The following STAT3 variants were observed in gnomAD, a reference collection of about 807,000 sequenced individuals.
STAT3 encodes signal transducer and activator of transcription 3, also known as DNA-binding protein APRF.
STAT3 carries 7 observed loss-of-function variants against 114.3 expected under a neutral mutation model. The ratio of observed to expected loss-of-function variants is 0.06; its 90% CI spans 0.03 to 0.11. The LOEUF (loss-of-function observed/expected upper bound fraction) is 0.11. STAT3 is among the 10% of genes least tolerant of loss of function. The probability of loss-of-function intolerance (pLI) is 1.00; values close to 1 mark genes in which losing one functional copy is unlikely to be tolerated. For missense variants in STAT3, 364 were observed against 960.9 expected (o/e 0.38, Z 8.21); for synonymous variants, 331 against 354.5 (o/e 0.93, Z 0.74).
rs760132797 is a variant in STAT3 at position 42,348,369 on chromosome 17, G to A, written c.128+20C>T. On this transcript the variant is annotated intron_variant, in intron 2 of 23. Coordinates refer to ENST00000264657, the MANE Select transcript of STAT3 (RefSeq NM_139276.3). ...AAACTGAAACCTAACAATTTGGAGA[G>A]TCACTTAAGAAGGACTTACCAATCT... 6 of 1,613,950 alleles carry A rather than the reference G, an allele frequency of 3.7e-6. No homozygotes were observed. Among genetic ancestry groups the A allele is most frequent in the East Asian group, 2.2e-5 (1 of 44,878 alleles).
At position 42,337,192 on chromosome 17, in the gene STAT3, G is replaced by C. The variant is rs1217336275; in HGVS notation, c.797+243C>G. Among the ~76,000 whole-genome samples, 1 of 152,020 alleles carries C rather than the reference G, an allele frequency of 6.6e-6. No homozygotes were observed. The highest frequency in any genetic ancestry group is 1.5e-5 in the Non-Finnish European group (1 of 68,004). ...AGATGTGTTTTCACCATGTTGGCCAGGCTGGTCTCAAACTCCTGACCTCAA... is the reference window on the plus strand; with the variant it reads ...AGATGTGTTTTCACCATGTTGGCCACGCTGGTCTCAAACTCCTGACCTCAA... On this transcript the variant is annotated intron_variant, in intron 8 of 23. Coordinates refer to ENST00000264657, the MANE Select transcript of STAT3 (RefSeq NM_139276.3). This position sits in a 1 kb window ranked among gnomAD's most constrained non-coding sequence, Gnocchi z 4.0.
At chr17:42,387,583 G>A (rs1048597303) in intron 1 of STAT3, 1 of 152,132 alleles carries the variant, frequency 6.6e-6, no homozygotes, top group South Asian at 2.1e-4. Flanking sequence ...CGGGTTGATG[G>A]GGATTTTATT....
chr17:42,382,654 CT>C (rs66812455), intron 1 of STAT3, among the ~76,000 whole-genome samples: 6 of 145,628 alleles, frequency 4.1e-5, no homozygotes, highest in African/African-American at 5.0e-5. Flanking sequence ...TTTTTTTTTT[CT>C]TTTTTTTTTG....
chr17:42,327,635 T>C (rs2081787847), intron 14 of STAT3, among the ~76,000 whole-genome samples: 1 of 152,214 alleles, frequency 6.6e-6, no homozygotes, highest in African/African-American at 2.4e-5. Context: ...AATGGCACCG[T>C]TGGTTTACAG....
chr17:42,316,156 T>G, intron 23 of STAT3: 1 of 1,096,292 alleles, frequency 9.1e-7, no homozygotes, highest in East Asian at 4.1e-5. Flanking sequence ...AGCTGTGCTG[T>G]GGCTGTCAAA....
Position 42,338,789 on chromosome 17 carries a change from C to T in STAT3, c.492G>A (p.Val164=), listed in dbSNP as rs1257642358. Residue 164 remains valine (V), a synonymous_variant, in exon 6 of 24, where the codon GTG becomes GTA. Coordinates refer to ENST00000264657, the MANE Select transcript of STAT3 (RefSeq NM_139276.3). ...RVQDLEQKMK[V]VENLQDDFDF... ...CAAAGTCATCCTGGAGATTCTCTAC[C>T]ACTTTCATTTTCTGTTCTAGATCCT... 6.2e-7 allele frequency: 1 copy of T among 1,613,526 alleles called. No individual in the cohort carries two copies. Among genetic ancestry groups the T allele is most frequent in the African/African-American group, 1.3e-5 (1 of 74,920 alleles).
chr17:42,316,530 G>T, intron 23 of STAT3: 1 of 989,292 alleles, frequency 1.0e-6, no homozygotes. Flanking sequence ...AACTTTTTCT[G>T]AAATGTTAAA....
chr17:42,317,728 T>G (rs987969241), intron 21 of STAT3, among the ~76,000 whole-genome samples: 1 of 152,196 alleles, frequency 6.6e-6, no homozygotes. Context: ...AGCCAAAGGT[T>G]ATATCTCTTA....
chr17:42,366,914 G>A (rs1487996563), intron 1 of STAT3, among the ~76,000 whole-genome samples: 2 of 152,128 alleles, frequency 1.3e-5, no homozygotes, highest in Non-Finnish European at 2.9e-5. Flanking sequence ...GCCAAGGCGA[G>A]CAGATAAATT....
intron 4 of STAT3, among the ~76,000 whole-genome samples, chr17:42,341,932 G>A (rs758988409): frequency 1.3e-4 from 20 of 152,048 alleles, no homozygotes; most frequent in Non-Finnish European, 2.5e-4. Flanking sequence ...CCCCTAATCC[G>A]TACGATTGAA....
chr17:42,333,557 G>T lies in STAT3; in HGVS notation c.1049+116C>A. On this transcript the variant is annotated intron_variant, in intron 10 of 23. Coordinates refer to ENST00000264657, the MANE Select transcript of STAT3 (RefSeq NM_139276.3). This position sits in a 1 kb window ranked among gnomAD's most constrained non-coding sequence, Gnocchi z 5.2. ...GGCAACAAATTTCAACCCCGCAACAGTGTACTGCCTGTGACACCACACCTG... is the reference window on the plus strand; with the variant it reads ...GGCAACAAATTTCAACCCCGCAACATTGTACTGCCTGTGACACCACACCTG... The T allele has an allele frequency of 8.5e-7, 1 of 1,179,824 alleles. No homozygotes were observed. The highest frequency in any genetic ancestry group is 1.2e-6 in the Non-Finnish European group (1 of 807,158). The allele number at this position is 1,179,824 out of a possible 1,614,324, so 73.1% of individuals were successfully genotyped here.
At chr17:42,363,243 GA>G (rs1352211035) in intron 1 of STAT3, among the ~76,000 whole-genome samples, 1 of 152,174 alleles carries the variant, frequency 6.6e-6, no homozygotes, top group Non-Finnish European at 1.5e-5. Flanking sequence ...TTTGCTGTTT[GA>G]AAAATTCAAG....
rs8081431 is a variant in STAT3 at position 42,322,862 on chromosome 17, G to C, written c.1888+142C>G. The C allele has an allele frequency of 0.19, 221,437 of 1,177,886 alleles. 22,897 individuals are homozygous for C. The highest frequency in any genetic ancestry group is 0.34 in the East Asian group (14,077 of 41,572). 73.0% of individuals were successfully genotyped at this position (1,177,886 alleles called of 1,614,324 possible). ...TCAGCTGGAAGGATTTAGAAGTCAC[G>C]CAAATGTGTTTTGCGAGTCTGAGTG... On this transcript the variant is annotated intron_variant, in intron 20 of 23. Transcript: ENST00000264657.
chr17:42,350,322 C>T (rs557446416), intron 1 of STAT3, among the ~76,000 whole-genome samples: 11 of 152,256 alleles, frequency 7.2e-5, no homozygotes, highest in South Asian at 4.1e-4. Flanking sequence ...GCAAATGTAA[C>T]GGAATGAAAG....
In STAT3 at chr17:42,314,218, A is replaced by AC; in HGVS notation, c.*1526_*1527insG. 1 of 232,944 alleles carries AC rather than the reference A, an allele frequency of 4.3e-6. No individual in the cohort carries two copies. Among genetic ancestry groups the AC allele is most frequent in the East Asian group, 6.0e-5 (1 of 16,600 alleles). The allele number at this position is 232,944 out of a possible 1,614,324, so 14.4% of individuals were successfully genotyped here. A position where few individuals can be genotyped will look rare whatever the true frequency, so the allele number is the denominator to read the frequency against. Reference sequence around the variant, plus strand: ...GAGGGCAGACTCAAGTTTATCAGTAAGCCTTTGCCCTGCATGAACTGAATG... The same window carrying AC: ...GAGGGCAGACTCAAGTTTATCAGTAACGCCTTTGCCCTGCATGAACTGAATG... On this transcript the variant is annotated 3_prime_UTR_variant, in exon 24 of 24. Coordinates refer to ENST00000264657, the MANE Select transcript of STAT3 (RefSeq NM_139276.3).
intron 4 of STAT3, among the ~76,000 whole-genome samples, chr17:42,343,216 T>C (rs569316861): frequency 6.7e-6 from 1 of 149,804 alleles, no homozygotes; most frequent in South Asian, 2.1e-4. Flanking sequence ...ATTTGAAATG[T>C]AATGTTATGT....
rs2081631756 is a variant in STAT3 at position 42,324,724 on chromosome 17, T to C, written c.1587A>G (p.Ala529=). ...TGAAATGCGGACCCAAGAGTTTCTC[T>C]GCCAGTGTAGTCAGCTGCTCGATGC... ...GLSIEQLTTL[A]EKLLGPGVNY... The change falls in exon 17 of 24, where the codon GCA becomes GCG. Residue 529 remains alanine (A), a synonymous_variant. Transcript: ENST00000264657. This position sits in a 1 kb window ranked among gnomAD's most constrained non-coding sequence, Gnocchi z 4.5. The C allele has an allele frequency of 2.5e-6, 4 of 1,613,994 alleles. No homozygotes were observed. In the East Asian group the frequency reaches 8.9e-5, roughly 36 times the overall value.
intron 1 of STAT3, among the ~76,000 whole-genome samples, chr17:42,384,449 T>C (rs964386190): frequency 6.6e-6 from 1 of 151,604 alleles, no homozygotes; most frequent in Non-Finnish European, 1.5e-5. Flanking sequence ...TTTTAAAAGC[T>C]TCCCCTACAA....
chr17:42,378,857 GAA>G (rs1303603053), intron 1 of STAT3, among the ~76,000 whole-genome samples: 2 of 152,096 alleles, frequency 1.3e-5, no homozygotes, highest in Admixed American at 6.6e-5. Context: ...GATTCTGTCA[GAA>G]AAAGTGTTTG....
Sources: allele counts gnomAD v4.1 joint callset (sites outside exome capture counted in the v4.1 genomes callset), GRCh38; gene constraint gnomAD v4.1.1; non-coding constraint Gnocchi (gnomAD v3.1); transcripts MANE v1.5; gene names NCBI Gene and HGNC (gene_info 2026-07-23, HGNC 2026-07-21).